The following CDH13 variants were observed in gnomAD, a reference collection of about 807,000 sequenced individuals.
CDH13 encodes the protein cadherin-13.
Under a neutral mutation model 63.8 loss-of-function variants are expected in CDH13, and 24 were observed. That is an observed-to-expected ratio of 0.38 (90% confidence interval 0.27 to 0.53). The LOEUF (loss-of-function observed/expected upper bound fraction) is 0.53, where lower values mean the gene tolerates loss of function less well. CDH13 is among the 20% of genes least tolerant of loss of function. The pLI, the probability that CDH13 is intolerant of heterozygous loss-of-function variation, is 0.85. For missense variants in CDH13, 1,049 were observed against 903.1 expected (o/e 1.16, Z -2.07); for synonymous variants, 503 against 355.3 (o/e 1.42, Z -4.67).
intron 6 of CDH13, among the ~76,000 whole-genome samples, chr16:83,485,031 A>G (rs1387583263): frequency 2.0e-5 from 3 of 152,154 alleles, no homozygotes; most frequent in Admixed American, 6.5e-5. Flanking sequence ...TCCTCAACCT[A>G]ACATTTTTAC....
chr16:83,662,199 A>T (rs149202155), intron 8 of CDH13, among the ~76,000 whole-genome samples: 1 of 152,104 alleles, frequency 6.6e-6, no homozygotes, highest in African/African-American at 2.4e-5. Context: ...CTATTTCCAC[A>T]TTCGAGTTTT....
At chr16:83,227,321 C>G (rs1238065362) in intron 5 of CDH13, among the ~76,000 whole-genome samples, 1 of 152,142 alleles carries the variant, frequency 6.6e-6, no homozygotes, top group African/African-American at 2.4e-5. Context: ...CGCAGTGGTC[C>G]TGATAAGGGA....
chr16:83,502,012 C>T (rs2074294460), intron 7 of CDH13, among the ~76,000 whole-genome samples: 1 of 152,122 alleles, frequency 6.6e-6, no homozygotes, highest in South Asian at 2.1e-4. Context: ...ACTTGTGTGG[C>T]CTTGGGCAAG....
chr16:83,561,426 CAA>C (rs5818456), intron 7 of CDH13, among the ~76,000 whole-genome samples: 66,014 of 114,762 alleles, frequency 0.58, 17,141 homozygotes, highest in East Asian at 0.63. Context: ...AACACCATCT[CAA>C]AAAAAAAAAA....
chr16:82,708,582 T>A (rs1302507221), intron 1 of CDH13, among the ~76,000 whole-genome samples: 1 of 152,122 alleles, frequency 6.6e-6, no homozygotes, highest in African/African-American at 2.4e-5. Flanking sequence ...TGACCTTGGG[T>A]TTTCCAAAGC....
chr16:82,681,980 C>T (rs1431160105), intron 1 of CDH13, among the ~76,000 whole-genome samples: 1 of 152,256 alleles, frequency 6.6e-6, no homozygotes, highest in Non-Finnish European at 1.5e-5. Context: ...CATTTCCCCT[C>T]TTCCCTCCTG....
chr16:82,686,025 C>G (rs1915034163), intron 1 of CDH13, among the ~76,000 whole-genome samples: 1 of 152,162 alleles, frequency 6.6e-6, no homozygotes, highest in South Asian at 2.1e-4. Context: ...TGCATTATCC[C>G]TAGTGAATTA....
chr16:82,802,320 A>G (rs528454329), intron 1 of CDH13, among the ~76,000 whole-genome samples: 1 of 152,298 alleles, frequency 6.6e-6, no homozygotes, highest in Non-Finnish European at 1.5e-5. Flanking sequence ...CACAACCAGC[A>G]TTACAGATAA....
intron 6 of CDH13, among the ~76,000 whole-genome samples, chr16:83,480,797 G>T (rs73603833): frequency 0.012 from 1,852 of 152,150 alleles, 30 homozygotes; most frequent in African/African-American, 0.041. Flanking sequence ...AATCTTCAAT[G>T]GAAATTTAGT....
At chr16:82,760,461 T>C (rs2034790496) in intron 1 of CDH13, among the ~76,000 whole-genome samples, 1 of 152,178 alleles carries the variant, frequency 6.6e-6, no homozygotes, top group Admixed American at 6.6e-5. Flanking sequence ...AAAAATTTTG[T>C]ACTTTTATTA....
intron 2 of CDH13, among the ~76,000 whole-genome samples, chr16:83,005,322 G>C (rs985269748): frequency 6.6e-6 from 1 of 152,056 alleles, no homozygotes; most frequent in Non-Finnish European, 1.5e-5. Context: ...GGAACTCCAG[G>C]CCCCAGCCCC....
At position 82,946,145 on chromosome 16, in the gene CDH13, T is replaced by C. The variant is rs115886454; in HGVS notation, c.158-85865T>C. Among the ~76,000 whole-genome samples the C allele has an allele frequency of 3.6e-3, 544 of 151,812 alleles. 7 individuals are homozygous for C. Among genetic ancestry groups the C allele is most frequent in the African/African-American group, 0.013 (523 of 41,400 alleles). ...TGTGTCTTTTGCAACATGTAGAACA[T>C]ACTAGATTTCCATAACTATTTGTTG... On this transcript the variant is annotated intron_variant, in intron 2 of 13. Coordinates refer to ENST00000567109, the MANE Select transcript of CDH13 (RefSeq NM_001257.5).
intron 4 of CDH13, among the ~76,000 whole-genome samples, chr16:83,216,107 T>C (rs2039500020): frequency 6.6e-6 from 1 of 151,918 alleles, no homozygotes; most frequent in Non-Finnish European, 1.5e-5. Context: ...GCTGCCTTTG[T>C]CTGTGCTGTT....
In CDH13 at chr16:83,524,893, T is replaced by A. The variant is rs75787546; in HGVS notation, c.960+38238T>A. Among the ~76,000 whole-genome samples, 549 of 152,280 alleles carry A rather than the reference T, an allele frequency of 3.6e-3. 5 individuals are homozygous for A. Among genetic ancestry groups the A allele is most frequent in the African/African-American group, 0.012 (479 of 41,558 alleles). ...CACAGGGATCAGAGAAGAAATCATA[T>A]GAGTGGGTTCCGTGGGCTGTAAATC... On this transcript the variant is annotated intron_variant, in intron 7 of 13. Coordinates refer to ENST00000567109, the MANE Select transcript of CDH13 (RefSeq NM_001257.5).
At chr16:83,334,919 A>C (rs989479246) in intron 5 of CDH13, among the ~76,000 whole-genome samples, 1 of 152,216 alleles carries the variant, frequency 6.6e-6, no homozygotes, top group Non-Finnish European at 1.5e-5. Flanking sequence ...AAGCCTGTAC[A>C]TATATTGATA....
intron 2 of CDH13, among the ~76,000 whole-genome samples, chr16:82,997,936 G>C (rs1173904297): frequency 6.6e-6 from 1 of 152,164 alleles, no homozygotes; most frequent in Non-Finnish European, 1.5e-5. Flanking sequence ...CATTTATTAA[G>C]TCACTCATAT....
chr16:83,052,958 A>T (rs189285580), intron 3 of CDH13, among the ~76,000 whole-genome samples: 21 of 152,162 alleles, frequency 1.4e-4, no homozygotes, highest in Non-Finnish European at 2.4e-4. Context: ...TCTTTCCACG[A>T]TAGAAGACCG....
chr16:83,674,851 C>G (rs995636164), intron 9 of CDH13, among the ~76,000 whole-genome samples: 7 of 152,208 alleles, frequency 4.6e-5, no homozygotes, highest in African/African-American at 1.7e-4. Context: ...ATAATCAACC[C>G]TACATTTTAA....
intron 1 of CDH13, among the ~76,000 whole-genome samples, chr16:82,746,585 G>A (rs2034185445): frequency 6.6e-6 from 1 of 151,774 alleles, no homozygotes; most frequent in Admixed American, 6.6e-5. Flanking sequence ...ACTAATTTAT[G>A]AATAAAGTAC....
Sources: allele counts gnomAD v4.1 joint callset (sites outside exome capture counted in the v4.1 genomes callset), GRCh38; gene constraint gnomAD v4.1.1; transcripts MANE v1.5; gene names NCBI Gene and HGNC (gene_info 2026-07-23, HGNC 2026-07-21).